The following PGM1 variants were observed in gnomAD, a reference collection of about 807,000 sequenced individuals.
PGM1 encodes the protein phosphoglucomutase 1, also known as phosphoglucomutase-1.
Under a neutral mutation model 55.6 loss-of-function variants are expected in PGM1, and 52 were observed. The observed-to-expected ratio is 0.94, with a 90% CI of 0.75 to 1.18. The LOEUF is 1.18. Among genes scored for constraint, PGM1 ranks in the 50% most tolerant of loss-of-function variants. The probability of loss-of-function intolerance (pLI) is 0.00; values close to 1 mark genes in which losing one functional copy is unlikely to be tolerated. For missense variants in PGM1, 724 were observed against 729.3 expected (o/e 0.99, Z 0.08); for synonymous variants, 287 against 271.7 (o/e 1.06, Z -0.55).
intron 1 of PGM1, among the ~76,000 whole-genome samples, chr1:63,627,063 CCCCACA>C (rs1649040359): frequency 8.0e-6 from 1 of 125,136 alleles, no homozygotes; most frequent in African/African-American, 3.2e-5. Context: ...ACCCCCCCCC[CCCCACA>C]CACACACACA....
Position 63,651,777 on chromosome 1 carries a change from C to T in PGM1, c.1389C>T (p.Asp463=). Residue 463 remains aspartate (D), a synonymous_variant, in exon 9 of 11, where the codon GAC becomes GAT. Transcript: ENST00000371084. ...SFVGKQFSAN[D]KVYTVEKADN... is the part of the protein sequence containing the mutation. ...TGGGGAAGCAGTTCTCAGCAAATGA[C>T]AAAGTTTACACTGTGGAGAAGGCCG... is the stretch of plus-strand genomic sequence containing the variant. 6.2e-7 allele frequency: 1 copy of T among 1,613,930 alleles called. No homozygotes were observed. The highest frequency in any genetic ancestry group is 1.1e-5 in the South Asian group (1 of 91,070).
chr1:63,633,683 T>G (rs1358617180), intron 4 of PGM1, among the ~76,000 whole-genome samples: 1 of 151,538 alleles, frequency 6.6e-6, no homozygotes, highest in Admixed American at 6.6e-5. Flanking sequence ...TTCTTTTTTT[T>G]TTGAGACGGA....
At chr1:63,647,171 G>A (rs910338673) in intron 7 of PGM1, among the ~76,000 whole-genome samples, 1 of 150,442 alleles carries the variant, frequency 6.6e-6, no homozygotes, top group Admixed American at 6.7e-5. Flanking sequence ...TGAGCCTGGG[G>A]GGCAGAGGTT....
intron 1 of PGM1, among the ~76,000 whole-genome samples, chr1:63,596,148 G>C (rs990088738): frequency 1.3e-5 from 2 of 151,550 alleles, no homozygotes; most frequent in African/African-American, 4.9e-5. Context: ...CCTTGGCCTT[G>C]CTTACTCTCC....
At position 63,593,717 on chromosome 1, in the gene PGM1, A is replaced by G. The variant is rs1376142920; in HGVS notation, c.229A>G (p.Ile77Val). The G allele has an allele frequency of 6.3e-7, 1 of 1,598,568 alleles. No individual in the cohort carries two copies. The highest frequency in any genetic ancestry group is 1.1e-5 in the South Asian group (1 of 89,358). Reference sequence around the variant, plus strand: ...GGAGGCCATCCAGCTCATCGCTCGCATCGCTGCCGCCAACGGGGTAAGGGA... The same window carrying G: ...GGAGGCCATCCAGCTCATCGCTCGCGTCGCTGCCGCCAACGGGGTAAGGGA... The part of the protein sequence containing the change: ...MKEAIQLIAR[I>V]AAANGIGRLV... The change falls in exon 1 of 11, where the codon ATC becomes GTC. Residue 77 changes from isoleucine (I) to valine (V), a missense_variant. By Grantham distance (29) the Ile-to-Val change is conservative (BLOSUM62 3). Coordinates refer to ENST00000371084, the MANE Select transcript of PGM1 (RefSeq NM_002633.3).
chr1:63,594,398 G>T (rs368570818), intron 1 of PGM1, among the ~76,000 whole-genome samples: 3 of 152,212 alleles, frequency 2.0e-5, no homozygotes, highest in Admixed American at 6.5e-5. Flanking sequence ...GGGGGCAGGC[G>T]TTTGAAACAT....
rs192148902 is a variant in PGM1 at position 63,609,517 on chromosome 1, G to A, written c.246+15783G>A. Among the ~76,000 whole-genome samples, 54 of 152,256 alleles carry A rather than the reference G, an allele frequency of 3.5e-4. No homozygotes were observed. The East Asian group carries it at 6.4e-3, about 18-fold the overall frequency. ...TCCATGGGTAGTTACAACAGGGTGC[G>A]AATTCTATTACAGTCAGTCCTTGAC... On this transcript the variant is annotated intron_variant, in intron 1 of 10. Transcript: ENST00000371084.
Position 63,631,779 on chromosome 1 carries a change from G to A in PGM1, c.679G>A (p.Gly227Arg). Residue 227 changes from glycine to arginine, a missense_variant, in exon 4 of 11, where the codon GGA (glycine) becomes AGA (arginine). Physicochemically the swap from Gly to Arg is moderately radical, Grantham distance 125. Transcript: ENST00000371084. The stretch of plus-strand genomic sequence containing the variant: ...GAAGATCCGTATTGATGCTATGCAT[G>A]GAGGTATACAATCATTTCTTTTCAA... Reference protein sequence around the residue: ...RLKIRIDAMHGVVGPYVKKIL... With the variant: ...RLKIRIDAMHRVVGPYVKKIL... The A allele has an allele frequency of 6.2e-7, 1 of 1,613,748 alleles. No individual in the cohort carries two copies. The highest frequency in any genetic ancestry group is 8.5e-7 in the Non-Finnish European group (1 of 1,179,730).
Position 63,593,545 on chromosome 1 carries a change from G to T in PGM1, c.57G>T (p.Thr19=). 6.2e-7 allele frequency: 1 copy of T among 1,613,916 alleles called. No individual in the cohort carries two copies. The highest frequency in any genetic ancestry group is 1.1e-5 in the South Asian group (1 of 91,070). The change falls in exon 1 of 11, where the codon ACG becomes ACT. Residue 19 remains threonine (T), a synonymous_variant. Coordinates refer to ENST00000371084, the MANE Select transcript of PGM1 (RefSeq NM_002633.3). The stretch of plus-strand genomic sequence containing the variant: ...CGTACCAGGACCAGAAGCCGGGCAC[G>T]AGCGGGCTGCGGAAGCGGGTGAAGG... ...TQAYQDQKPG[T]SGLRKRVKVF... is the part of the protein sequence containing the mutation.
intron 1 of PGM1, among the ~76,000 whole-genome samples, chr1:63,627,080 C>T (rs751124170): frequency 8.4e-5 from 11 of 131,094 alleles, no homozygotes; most frequent in Non-Finnish European, 1.6e-4. Flanking sequence ...CACACACACA[C>T]TTTTAAGGCT....
At position 63,593,570 on chromosome 1, in the gene PGM1, G is replaced by A; in HGVS notation, c.82G>A (p.Val28Met). 1 of 1,613,872 alleles carries A rather than the reference G, an allele frequency of 6.2e-7. No homozygotes were observed. Among genetic ancestry groups the A allele is most frequent in the Non-Finnish European group, 8.5e-7 (1 of 1,179,942 alleles). The change falls in exon 1 of 11, where the codon GTG becomes ATG. Residue 28 changes from valine to methionine, a missense_variant. Coordinates refer to ENST00000371084, the MANE Select transcript of PGM1 (RefSeq NM_002633.3). ...GAGCGGGCTGCGGAAGCGGGTGAAG[G>A]TGTTCCAGAGCAGCGCCAACTACGC... ...GTSGLRKRVK[V>M]FQSSANYAEN...
intron 4 of PGM1, 138 bp downstream of exon 4, chr1:63,631,920 C>T: frequency 1.2e-6 from 1 of 831,560 alleles, no homozygotes; most frequent in Non-Finnish European, 2.0e-6. Context: ...GCAACCAGAG[C>T]AATATTCACA....
intron 1 of PGM1, 110 bp from the exon 2 acceptor site, chr1:63,629,315 A>G: frequency 1.1e-6 from 1 of 898,570 alleles, no homozygotes; most frequent in Non-Finnish European, 1.9e-6. Flanking sequence ...TGTCCAACAG[A>G]TTATTACTAT....
intron 3 of PGM1, among the ~76,000 whole-genome samples, 195 bp downstream of exon 3, chr1:63,630,283 C>T (rs112663168): frequency 3.9e-5 from 6 of 152,142 alleles, no homozygotes; most frequent in African/African-American, 1.4e-4. Context: ...TGGGCCCTGC[C>T]AGGGATCAGC....
chr1:63,651,453 C>T (rs1187031247), intron 8 of PGM1: 6 of 557,254 alleles, frequency 1.1e-5, no homozygotes, highest in Admixed American at 3.1e-5. Context: ...TATTCAGAAG[C>T]TCATAACCCT....
intron 1 of PGM1, among the ~76,000 whole-genome samples, chr1:63,594,788 C>CAAAAAAA (rs34661751): frequency 4.4e-5 from 4 of 90,528 alleles, no homozygotes; most frequent in African/African-American, 4.3e-5. Flanking sequence ...CTAAAAAATA[C>CAAAAAAA]AAAAAAAAAA....
At position 63,593,688 on chromosome 1, in the gene PGM1, T is replaced by A; in HGVS notation, c.200T>A (p.Met67Lys). The change falls in exon 1 of 11, where the codon ATG becomes AAG. Residue 67 changes from methionine to lysine, a missense_variant. This residue lies in a region of PGM1 where 379 missense variants were observed against 357.5 expected (regional missense o/e 1.06). Transcript: ENST00000371084. ...LVVGGDGRFYMKEAIQLIARI... is the reference protein window; with the variant it reads ...LVVGGDGRFYKKEAIQLIARI... ...GTGGGCGGGGACGGCCGGTTCTACA[T>A]GAAGGAGGCCATCCAGCTCATCGCT... The A allele has an allele frequency of 4.4e-6, 7 of 1,605,240 alleles. No individual in the cohort carries two copies. Among genetic ancestry groups the A allele is most frequent in the Non-Finnish European group, 5.9e-6 (7 of 1,176,982 alleles).
intron 7 of PGM1, among the ~76,000 whole-genome samples, chr1:63,646,136 C>T (rs1002289646): frequency 5.3e-5 from 8 of 152,130 alleles, no homozygotes; most frequent in African/African-American, 1.9e-4. Context: ...CACCACGTGC[C>T]TCCTGCATAC....
chr1:63,594,062 C>T, intron 1 of PGM1: 2 of 1,073,872 alleles, frequency 1.9e-6, no homozygotes, highest in Non-Finnish European at 2.2e-6. Flanking sequence ...CCGCCCCTCC[C>T]GAGGCGTCTG....
Sources: gnomAD v4.1 joint callset for allele counts (sites outside exome capture counted in the v4.1 genomes callset) on GRCh38, gnomAD v4.1.1 for gene constraint, gnomAD v4.1.1 regional missense constraint, MANE v1.5 for transcripts, NCBI Gene and HGNC (gene_info 2026-07-23, HGNC 2026-07-21) for gene names.